FANCD2: variants seen among roughly 807,000 people sequenced by gnomAD.
The protein encoded by FANCD2 is Fanconi anemia group D2 protein.
A neutral mutation model predicts 192.3 loss-of-function variants in FANCD2; 131 were observed. The ratio of observed to expected loss-of-function variants is 0.68; its 90% CI spans 0.59 to 0.79. The LOEUF is 0.79. FANCD2 is among the 30% of genes least tolerant of loss of function. FANCD2 has a pLI of 0.00. For missense variants in FANCD2, 1,508 were observed against 1,701.6 expected (o/e 0.89, Z 2.00); for synonymous variants, 524 against 612.5 (o/e 0.86, Z 2.13).
At chr3:10,054,095 C>G (rs919642731) in intron 18 of FANCD2, among the ~76,000 whole-genome samples, 2 of 151,638 alleles carry the variant, frequency 1.3e-5, no homozygotes, top group African/African-American at 4.8e-5. Context: ...ACCTGTAATC[C>G]TAGCTACTCA....
rs150083987 is a variant in FANCD2 at position 10,072,177 on chromosome 3, G to C, written c.2495-694G>C. On this transcript the variant is annotated intron_variant, in intron 26 of 43. Transcript: ENST00000675286. ...TTTGTAACACAAAGAAATGATAAAT[G>C]CTTGAGGTGATGGATACCCCATTTA... is the stretch of plus-strand genomic sequence containing the variant. Among the ~76,000 whole-genome samples the C allele has an allele frequency of 2.3e-3, 343 of 152,178 alleles. 12 individuals are homozygous for C. In the East Asian group the frequency reaches 0.063, roughly 28 times the overall value.
At chr3:10,029,387 G>T (rs1020248812) in intron 2 of FANCD2, among the ~76,000 whole-genome samples, 3 of 152,106 alleles carry the variant, frequency 2.0e-5, no homozygotes, top group Admixed American at 2.0e-4. Flanking sequence ...TGTGGTCCCA[G>T]CTACTGAGGA....
chr3:10,072,577 G>A (rs1415758053), intron 26 of FANCD2, among the ~76,000 whole-genome samples: 1 of 152,170 alleles, frequency 6.6e-6, no homozygotes, highest in Admixed American at 6.5e-5. Flanking sequence ...ACCCTGCCTG[G>A]CCACCATTTA....
chr3:10,054,708 C>T (rs2087356684), intron 18 of FANCD2, among the ~76,000 whole-genome samples: 1 of 150,714 alleles, frequency 6.6e-6, no homozygotes, highest in Non-Finnish European at 1.5e-5. Flanking sequence ...TGGTCTTGAT[C>T]TCCTGACCTC....
chr3:10,043,281 T>A (rs2086911573), intron 12 of FANCD2, 131 bp downstream of exon 12: 1 of 812,928 alleles, frequency 1.2e-6, no homozygotes, highest in Non-Finnish European at 2.1e-6. Context: ...TTTTTCAAAT[T>A]ACATATATGT....
chr3:10,039,485 T>G (rs1264183616), intron 8 of FANCD2, 128 bp downstream of exon 8: 1 of 993,932 alleles, frequency 1.0e-6, no homozygotes, highest in Admixed American at 2.5e-5. Flanking sequence ...TTTTTCCAAT[T>G]TTCATAATTT....
chr3:10,083,259 T>C (rs1042444166), intron 32 of FANCD2, among the ~76,000 whole-genome samples: 4 of 150,842 alleles, frequency 2.7e-5, no homozygotes, highest in African/African-American at 9.7e-5. Context: ...CATGGCCCAG[T>C]GAAGTTAACA....
rs529341771 is a variant in FANCD2 at position 10,032,281 on chromosome 3, T to G, written c.65-551T>G. 7.2e-5 allele frequency: 29 copies of G among 400,568 alleles called. 1 individual carries two copies. In the Admixed American group the frequency reaches 7.4e-4, roughly 10 times the overall value. 24.8% of individuals were successfully genotyped at this position (400,568 alleles called of 1,614,324 possible). A position where few individuals can be genotyped will look rare whatever the true frequency, so the allele number is the denominator to read the frequency against. On this transcript the variant is annotated intron_variant, in intron 2 of 43. Transcript: ENST00000675286. Reference sequence around the variant, plus strand: ...TTATTCTTGTTAGGCACTTATTTGTTTGAATTTATTTTTTTAGAGATGGGG... The same window carrying G: ...TTATTCTTGTTAGGCACTTATTTGTGTGAATTTATTTTTTTAGAGATGGGG...
At chr3:10,048,273 A>C (rs930733861) in intron 16 of FANCD2, among the ~76,000 whole-genome samples, 1 of 152,250 alleles carries the variant, frequency 6.6e-6, no homozygotes, top group Non-Finnish European at 1.5e-5. Flanking sequence ...ATTAAGATCC[A>C]GATCTAGTCC....
chr3:10,080,989 C>T (rs1693801236), intron 30 of FANCD2, 111 bp from the exon 31 acceptor site: 2 of 1,148,176 alleles, frequency 1.7e-6, no homozygotes, highest in Admixed American at 1.7e-5. Flanking sequence ...ACTCATTTCT[C>T]CCATCTGCTC....
At chr3:10,070,443 G>A (rs1693150947) in intron 26 of FANCD2, among the ~76,000 whole-genome samples, 2 of 73,202 alleles carry the variant, frequency 2.7e-5, no homozygotes, top group Admixed American at 1.5e-4. Context: ...CTGCCCAGCC[G>A]CCCCTACTGG....
At chr3:10,087,584 A>G (rs35015252) in intron 34 of FANCD2, among the ~76,000 whole-genome samples, 1 of 152,098 alleles carries the variant, frequency 6.6e-6, no homozygotes, top group Non-Finnish European at 1.5e-5. Context: ...TCATGAGGTT[A>G]ATAAAGTAGG....
At chr3:10,082,060 T>C (rs1693873893) in intron 32 of FANCD2, among the ~76,000 whole-genome samples, 1 of 152,210 alleles carries the variant, frequency 6.6e-6, no homozygotes, top group South Asian at 2.1e-4. Context: ...TATATCCAAC[T>C]GCCTACGCAA....
At chr3:10,089,203 T>A (rs1694427933) in intron 36 of FANCD2, among the ~76,000 whole-genome samples, 1 of 151,826 alleles carries the variant, frequency 6.6e-6, no homozygotes, top group Non-Finnish European at 1.5e-5. Context: ...GAGAATTGCT[T>A]GAACCTGGGA....
At chr3:10,087,321 C>T (rs2125073541) in intron 34 of FANCD2, 57 bp downstream of exon 34, 3 of 1,497,034 alleles carry the variant, frequency 2.0e-6, no homozygotes, top group Non-Finnish European at 1.8e-6. Context: ...ACTAATATCT[C>T]ACACTTACAA....
chr3:10,031,986 C>G (rs1408155860), intron 2 of FANCD2, among the ~76,000 whole-genome samples: 1 of 152,138 alleles, frequency 6.6e-6, no homozygotes, highest in East Asian at 1.9e-4. Context: ...GTTGGTATTA[C>G]AGGCGCACGC....
intron 3 of FANCD2, among the ~76,000 whole-genome samples, chr3:10,034,038 C>G (rs1025141400): frequency 3.3e-5 from 5 of 149,852 alleles, no homozygotes; most frequent in African/African-American, 1.2e-4. Flanking sequence ...AACCCCATGA[C>G]TCTGGGCTGG....
At chr3:10,087,527 C>CAA (rs112934348) in intron 34 of FANCD2, among the ~76,000 whole-genome samples, 6 of 140,024 alleles carry the variant, frequency 4.3e-5, no homozygotes, top group Admixed American at 7.2e-5. Context: ...TCTTCCTTTT[C>CAA]AAAAAAAAAA....
At chr3:10,051,021 G>C (rs1388113442) in intron 17 of FANCD2, among the ~76,000 whole-genome samples, 1 of 151,672 alleles carries the variant, frequency 6.6e-6, no homozygotes, top group African/African-American at 2.4e-5. Flanking sequence ...AGGAGGTGGA[G>C]GTTGCAGTGA....
Sources: allele counts gnomAD v4.1 joint callset (sites outside exome capture counted in the v4.1 genomes callset), GRCh38; gene constraint gnomAD v4.1.1; transcripts MANE v1.5; gene names NCBI Gene and HGNC (gene_info 2026-07-23, HGNC 2026-07-21).